TECPR2: variants seen among roughly 807,000 people sequenced by gnomAD.
TECPR2 encodes the protein tectonin beta-propeller repeat-containing protein 2.
Under a neutral mutation model 138.1 loss-of-function variants are expected in TECPR2, and 65 were observed. That is an observed-to-expected ratio of 0.47 (90% CI 0.39 to 0.58). The LOEUF is 0.58. TECPR2 is among the 20% of genes least tolerant of loss of function. The pLI, the probability that TECPR2 is intolerant of heterozygous loss-of-function variation, is 0.00. For missense variants in TECPR2, 1,553 were observed against 1,824.5 expected, an observed-to-expected ratio of 0.85 and a Z score of 2.71; for synonymous variants, 746 against 749.8, an observed-to-expected ratio of 0.99 and a Z score of 0.08.
At position 102,443,527 on chromosome 14, in the gene TECPR2, C is replaced by A; in HGVS notation, c.2753-120C>A. On this transcript the variant is annotated intron_variant, in intron 11 of 19. Coordinates refer to ENST00000359520, the MANE Select transcript of TECPR2 (RefSeq NM_014844.5). The surrounding 1 kb of genome is among the most constrained non-coding windows in gnomAD (Gnocchi z 4.9). ...TTAATTAAAGTTTTTTTTTAAAGCA[C>A]TCATCATAAAAGAATATAGCAAAAT... 1.1e-6 allele frequency: 1 copy of A among 904,914 alleles called. No individual in the cohort carries two copies. Among genetic ancestry groups the A allele is most frequent in the Non-Finnish European group, 1.5e-6 (1 of 674,252 alleles). The allele number at this position is 904,914 out of a possible 1,614,324, so 56.1% of individuals were successfully genotyped here.
intron 6 of TECPR2, among the ~76,000 whole-genome samples, chr14:102,427,591 A>T (rs1212947010): frequency 2.6e-5 from 4 of 152,178 alleles, no homozygotes; most frequent in Non-Finnish European, 5.9e-5. Context: ...TGGGCTCAGG[A>T]TGTCCTGTGT....
At chr14:102,479,962 C>T (rs1890850082) in intron 17 of TECPR2, among the ~76,000 whole-genome samples, 1 of 152,234 alleles carries the variant, frequency 6.6e-6, no homozygotes, top group Non-Finnish European at 1.5e-5. Flanking sequence ...GGACTGTTCC[C>T]ATTGCGGGCA....
At chr14:102,484,090 C>T (rs1890965983) in intron 17 of TECPR2, among the ~76,000 whole-genome samples, 1 of 152,104 alleles carries the variant, frequency 6.6e-6, no homozygotes. Flanking sequence ...AGCTACTGTG[C>T]CCAGCCTGGA....
chr14:102,468,411 A>ACT (rs2139774862), intron 17 of TECPR2, among the ~76,000 whole-genome samples: 1 of 150,188 alleles, frequency 6.7e-6, no homozygotes, highest in African/African-American at 2.5e-5. Flanking sequence ...CTGGTCTTGA[A>ACT]CTCCTGACCT....
At chr14:102,384,227 T>C (rs12883853) in intron 2 of TECPR2, among the ~76,000 whole-genome samples, 46,415 of 151,698 alleles carry the variant, frequency 0.31, 7,367 homozygotes, top group Middle Eastern at 0.38. Flanking sequence ...CCGGAAGTTG[T>C]TTTTATTTTT....
At chr14:102,488,364 A>T in intron 17 of TECPR2, among the ~76,000 whole-genome samples, 2 of 135,884 alleles carry the variant, frequency 1.5e-5, no homozygotes, top group African/African-American at 5.5e-5. Flanking sequence ...TTTGATACGT[A>T]GTTTCACTCT....
intron 15 of TECPR2, 133 bp downstream of exon 15, chr14:102,450,782 G>A (rs578158501): frequency 5.2e-5 from 44 of 845,834 alleles, no homozygotes; most frequent in Non-Finnish European, 7.2e-5. Flanking sequence ...GGGTGTCAGA[G>A]GCCAGTAGCC....
intron 15 of TECPR2, 72 bp downstream of exon 15, chr14:102,450,721 G>A (rs1293819758): frequency 7.5e-6 from 11 of 1,464,810 alleles, no homozygotes; most frequent in Non-Finnish European, 1.0e-5. Context: ...AACCACAGTC[G>A]GACTGTGGCC....
Position 102,499,009 on chromosome 14 carries a change from C to A in TECPR2, c.*752C>A, listed in dbSNP as rs74513122. ...CACACCGCACTGCACCGCACCGCAC[C>A]GCACCGTACCTCGCCACATCTCACC... On this transcript the variant is annotated 3_prime_UTR_variant, in exon 20 of 20. Coordinates refer to ENST00000359520, the MANE Select transcript of TECPR2 (RefSeq NM_014844.5). The A allele has an allele frequency of 2.9e-6, 2 of 698,616 alleles. No individual in the cohort carries two copies. Among genetic ancestry groups the A allele is most frequent in the South Asian group, 1.5e-5 (1 of 66,820 alleles). 43.3% of individuals were successfully genotyped at this position (698,616 alleles called of 1,614,324 possible). A position where few individuals can be genotyped will look rare whatever the true frequency, so the allele number is the denominator to read the frequency against.
At chr14:102,458,527 C>T (rs1372139234) in intron 16 of TECPR2, among the ~76,000 whole-genome samples, 4 of 152,102 alleles carry the variant, frequency 2.6e-5, no homozygotes, top group South Asian at 2.1e-4. Flanking sequence ...AGGCCTCGTG[C>T]GTTGGGGACT....
intron 10 of TECPR2, 45 bp downstream of exon 10, chr14:102,438,250 C>A (rs968043884): frequency 6.4e-7 from 1 of 1,565,380 alleles, no homozygotes. Context: ...TCCCGCTCGC[C>A]GCTCCTGCTC....
At chr14:102,440,230 C>T (rs765989546) in intron 10 of TECPR2, among the ~76,000 whole-genome samples, 8 of 152,112 alleles carry the variant, frequency 5.3e-5, no homozygotes, top group Non-Finnish European at 1.2e-4. Context: ...TGGAGACGGG[C>T]GGTGACATGG....
chr14:102,431,463 C>T (rs2139725628), intron 7 of TECPR2, among the ~76,000 whole-genome samples: 1 of 151,924 alleles, frequency 6.6e-6, no homozygotes, highest in Non-Finnish European at 1.5e-5. Context: ...CTGCCTCAGC[C>T]TCCCAAGTAG....
intron 2 of TECPR2, among the ~76,000 whole-genome samples, chr14:102,401,420 CAA>C (rs1888473840): frequency 1.0e-5 from 1 of 100,248 alleles, no homozygotes; most frequent in Admixed American, 1.2e-4. Context: ...GCCTGGGCAA[CAA>C]GAGCAAAACT....
intron 2 of TECPR2, among the ~76,000 whole-genome samples, chr14:102,406,407 G>A (rs923260899): frequency 4.6e-5 from 7 of 152,112 alleles, no homozygotes; most frequent in South Asian, 2.1e-4. Context: ...AAAGCGGGGC[G>A]TGGTGGCGGG....
intron 13 of TECPR2, among the ~76,000 whole-genome samples, chr14:102,449,307 T>C (rs1176999444): frequency 6.6e-6 from 1 of 152,228 alleles, no homozygotes; most frequent in African/African-American, 2.4e-5. Flanking sequence ...AGAAGGGGTG[T>C]GAGGGGGTGA....
At chr14:102,480,188 G>A (rs1381439741) in intron 17 of TECPR2, among the ~76,000 whole-genome samples, 1 of 150,856 alleles carries the variant, frequency 6.6e-6, no homozygotes, top group Non-Finnish European at 1.5e-5. Context: ...CAGGTCTGGG[G>A]TGAGGCCCAG....
intron 5 of TECPR2, among the ~76,000 whole-genome samples, chr14:102,421,427 C>T (rs1005550078): frequency 5.3e-5 from 8 of 152,218 alleles, no homozygotes; most frequent in African/African-American, 1.7e-4. Context: ...CCTCCTTGGA[C>T]CCTATCCAAA....
intron 11 of TECPR2, among the ~76,000 whole-genome samples, chr14:102,441,655 A>G (rs1889837232): frequency 6.6e-6 from 1 of 152,056 alleles, no homozygotes; most frequent in South Asian, 2.1e-4. Context: ...GCGCCACTGC[A>G]CTCTCCAGCC....
Sources: gnomAD v4.1 joint callset for allele counts (sites outside exome capture counted in the v4.1 genomes callset) on GRCh38, gnomAD v4.1.1 for gene constraint, Gnocchi (gnomAD v3.1) non-coding constraint, MANE v1.5 for transcripts, NCBI Gene and HGNC (gene_info 2026-07-23, HGNC 2026-07-21) for gene names.